OPCML: variants seen among roughly 807,000 people sequenced by gnomAD.
The protein encoded by OPCML is opioid-binding protein/cell adhesion molecule.
Under a neutral mutation model 37.8 loss-of-function variants are expected in OPCML, and 13 were observed. That is an observed-to-expected ratio of 0.34 (90% CI 0.22 to 0.55). OPCML has a LOEUF of 0.55. Among genes scored for constraint, OPCML ranks in the 20% least tolerant of loss-of-function variants. The pLI, the probability that OPCML is intolerant of heterozygous loss-of-function variation, is 0.91. For synonymous variants in OPCML, 176 were observed against 168.8 expected, an observed-to-expected ratio of 1.04 and a Z score of -0.33; for missense variants, 341 against 435.6, an observed-to-expected ratio of 0.78 and a Z score of 1.93.
At chr11:133,186,293 C>T (rs777508263) in intron 1 of OPCML, among the ~76,000 whole-genome samples, 15 of 152,132 alleles carry the variant, frequency 9.9e-5, no homozygotes, top group Admixed American at 3.9e-4. Flanking sequence ...AAGAACCTGG[C>T]TACCCAGGCT....
At chr11:132,806,762 A>T (rs891116220) in intron 2 of OPCML, among the ~76,000 whole-genome samples, 1 of 152,154 alleles carries the variant, frequency 6.6e-6, no homozygotes, top group Non-Finnish European at 1.5e-5. Flanking sequence ...TGATCTAATC[A>T]ATATTTACAG....
chr11:133,128,549 C>T (rs1011527097), intron 1 of OPCML, among the ~76,000 whole-genome samples: 7 of 152,160 alleles, frequency 4.6e-5, no homozygotes, highest in East Asian at 1.9e-4. Context: ...GACTTTCAAA[C>T]GGTGTAGTCC....
intron 1 of OPCML, among the ~76,000 whole-genome samples, chr11:133,076,707 T>C (rs1212513260): frequency 7.6e-6 from 1 of 132,412 alleles, no homozygotes; most frequent in Non-Finnish European, 1.7e-5. Context: ...GCCTCATCAT[T>C]GTCATCATCA....
intron 2 of OPCML, among the ~76,000 whole-genome samples, chr11:132,719,697 C>A (rs2135975419): frequency 6.6e-6 from 1 of 152,346 alleles, no homozygotes; most frequent in East Asian, 1.9e-4. Flanking sequence ...CAGTCAGACA[C>A]ACTCAGAAAT....
intron 1 of OPCML, among the ~76,000 whole-genome samples, chr11:133,242,700 T>C (rs1009896774): frequency 3.3e-5 from 5 of 152,138 alleles, no homozygotes; most frequent in African/African-American, 1.2e-4. Flanking sequence ...GTACTGAGGA[T>C]CAGGACTTAA....
At chr11:132,552,033 A>G (rs144393145) in intron 3 of OPCML, among the ~76,000 whole-genome samples, 190 of 152,146 alleles carry the variant, frequency 1.2e-3, no homozygotes, top group South Asian at 0.012. Flanking sequence ...CCCATTCTCT[A>G]TGTTGTCAGA....
chr11:133,360,512 G>C (rs1944389321), intron 1 of OPCML: 3 of 152,222 alleles, frequency 2.0e-5, no homozygotes, highest in Admixed American at 6.5e-5. Flanking sequence ...TGGGAGCACA[G>C]GATTTTGACA....
chr11:132,554,358 G>A (rs571200511), intron 3 of OPCML, among the ~76,000 whole-genome samples: 70 of 152,328 alleles, frequency 4.6e-4, no homozygotes, highest in Admixed American at 2.0e-3. Context: ...CCTGGTATTT[G>A]CCCTTCTATA....
At chr11:132,549,235 C>T (rs2096375951) in intron 3 of OPCML, among the ~76,000 whole-genome samples, 1 of 152,202 alleles carries the variant, frequency 6.6e-6, no homozygotes, top group Admixed American at 6.5e-5. Context: ...AATGCATTAG[C>T]ATGCTAAAAG....
At chr11:132,841,036 G>A (rs1450635342) in intron 2 of OPCML, among the ~76,000 whole-genome samples, 1 of 152,150 alleles carries the variant, frequency 6.6e-6, no homozygotes, top group East Asian at 1.9e-4. Flanking sequence ...CATCGTTCAA[G>A]AGGGAAAAAG....
intron 2 of OPCML, among the ~76,000 whole-genome samples, chr11:132,899,332 T>A (rs921103820): frequency 1.3e-5 from 2 of 152,244 alleles, no homozygotes; most frequent in African/African-American, 4.8e-5. Flanking sequence ...TAAGCAAATA[T>A]CTTTGGTTTT....
chr11:132,611,023 T>G (rs1938607284), intron 3 of OPCML, among the ~76,000 whole-genome samples: 1 of 152,214 alleles, frequency 6.6e-6, no homozygotes, highest in Admixed American at 6.5e-5. Context: ...TAGTTCCAGC[T>G]GCATGACTAA....
At chr11:132,726,967 C>T (rs962263183) in intron 2 of OPCML, among the ~76,000 whole-genome samples, 5 of 152,262 alleles carry the variant, frequency 3.3e-5, no homozygotes, top group Non-Finnish European at 1.5e-5. Context: ...TCTATGGACC[C>T]TTCCCTGACC....
At chr11:132,555,389 G>A (rs1215537176) in intron 3 of OPCML, among the ~76,000 whole-genome samples, 2 of 151,994 alleles carry the variant, frequency 1.3e-5, no homozygotes, top group Non-Finnish European at 2.9e-5. Flanking sequence ...CCAAGTGAAA[G>A]GGGTTTCTCC....
chr11:132,937,135 C>G (rs1024355189), intron 2 of OPCML, among the ~76,000 whole-genome samples: 7 of 152,166 alleles, frequency 4.6e-5, no homozygotes, highest in Non-Finnish European at 1.0e-4. Context: ...CAAATGAGAC[C>G]TGCTTGACTC....
At chr11:132,661,161 TC>T (rs1941960641) in intron 2 of OPCML, among the ~76,000 whole-genome samples, 1 of 152,058 alleles carries the variant, frequency 6.6e-6, no homozygotes, top group South Asian at 2.1e-4. Flanking sequence ...GGTAATCCTC[TC>T]CCTGGTGAGT....
chr11:133,456,657 C>T (rs1288229499), intron 1 of OPCML, among the ~76,000 whole-genome samples: 1 of 150,070 alleles, frequency 6.7e-6, no homozygotes, highest in Non-Finnish European at 1.5e-5. Context: ...AAAATGTGGA[C>T]AAAGAACTAA....
At chr11:132,479,345 T>C (rs887824706) in intron 4 of OPCML, among the ~76,000 whole-genome samples, 6 of 152,160 alleles carry the variant, frequency 3.9e-5, no homozygotes, top group African/African-American at 1.2e-4. Context: ...ACCAGGATAT[T>C]ATATCCCACA....
At chr11:132,524,505 G>GT (rs2096302866) in intron 4 of OPCML, among the ~76,000 whole-genome samples, 1 of 152,116 alleles carries the variant, frequency 6.6e-6, no homozygotes, top group African/African-American at 2.4e-5. Flanking sequence ...AAAAAATTAA[G>GT]TATAGATTTT....
Sources: gnomAD v4.1 joint callset for allele counts (sites outside exome capture counted in the v4.1 genomes callset) on GRCh38, gnomAD v4.1.1 for gene constraint, MANE v1.5 for transcripts, NCBI Gene and HGNC (gene_info 2026-07-23, HGNC 2026-07-21) for gene names.